Variants in MRO observed in about 807,000 individuals in gnomAD.
MRO encodes the protein maestro, also known as protein maestro.
In MRO, 28 loss-of-function variants were observed where a neutral mutation model predicts 31.0. The ratio of observed to expected loss-of-function variants is 0.90; its 90% CI spans 0.67 to 1.24. The LOEUF is 1.24. Ranked by LOEUF, MRO falls within the 50% of genes most tolerant of loss-of-function variation. The probability of loss-of-function intolerance (pLI) is 0.00; values close to 1 mark genes in which losing one functional copy is unlikely to be tolerated. For missense variants in MRO, 332 were observed against 289.2 expected (o/e 1.15, Z -1.07); for synonymous variants, 108 against 108.4 (o/e 1.00, Z 0.02).
At chr18:50,810,344 G>T (rs906143782) in intron 2 of MRO, among the ~76,000 whole-genome samples, 2 of 152,212 alleles carry the variant, frequency 1.3e-5, no homozygotes, top group Non-Finnish European at 2.9e-5. Context: ...AGATCAACAT[G>T]TGCTAAAATA....
At chr18:50,808,482 A>C (rs1171182808) in intron 3 of MRO, among the ~76,000 whole-genome samples, 1 of 148,774 alleles carries the variant, frequency 6.7e-6, no homozygotes, top group Non-Finnish European at 1.5e-5. Context: ...AATTTAAGAC[A>C]GCGTCTCGCT....
chr18:50,814,022 C>A (rs1346346527), intron 2 of MRO, among the ~76,000 whole-genome samples: 2 of 152,046 alleles, frequency 1.3e-5, no homozygotes, highest in African/African-American at 4.8e-5. Context: ...CACATAGAGT[C>A]AAAAAACATG....
chr18:50,800,678 A>G (rs1243347356), intron 6 of MRO, among the ~76,000 whole-genome samples: 1 of 152,180 alleles, frequency 6.6e-6, no homozygotes, highest in African/African-American at 2.4e-5. Context: ...TGAGGTCAGG[A>G]GTTCGAGACC....
chr18:50,799,192 G>T lies in MRO; in HGVS notation c.*145C>A. On this transcript the variant is annotated 3_prime_UTR_variant, in exon 8 of 8. Coordinates refer to ENST00000398439, the MANE Select transcript of MRO (RefSeq NM_031939.6). Reference sequence around the variant, plus strand: ...TCATACAATTCCATGTATTATTTTTGCCTTTGATTGCTCTCCCAGCACCCT... The same window carrying T: ...TCATACAATTCCATGTATTATTTTTTCCTTTGATTGCTCTCCCAGCACCCT... The T allele has an allele frequency of 1.5e-6, 1 of 655,832 alleles. No homozygotes were observed. Among genetic ancestry groups the T allele is most frequent in the Non-Finnish European group, 2.7e-6 (1 of 364,008 alleles). 40.6% of individuals were successfully genotyped at this position (655,832 alleles called of 1,614,324 possible).
chr18:50,796,822 G>T lies in MRO; in HGVS notation c.*2515C>A, dbSNP rs1325425431. The T allele has an allele frequency of 3.3e-5, 5 of 152,186 alleles. No individual in the cohort carries two copies. The highest frequency in any genetic ancestry group is 1.5e-5 in the Non-Finnish European group (1 of 68,040). The allele number at this position is 152,186 out of a possible 1,614,324, so 9.4% of individuals were successfully genotyped here. On this transcript the variant is annotated 3_prime_UTR_variant, in exon 8 of 8. Transcript: ENST00000398439. ...CAATTTGGAATCATTTAGTCATTCA[G>T]CAAATGTTCCTTAATCACATGGCCA...
Position 50,801,408 on chromosome 18 carries a change from T to C in MRO, c.526A>G (p.Lys176Glu). 6.2e-7 allele frequency: 1 copy of C among 1,611,572 alleles called. No individual in the cohort carries two copies. ...ATCAGGAGGGAATCTCGTGTCTGCT[T>C]AACCTGACTGGTGAAAAATTTTTTC... ...KWKKFFTSQVKQTRDSLLIHL... is the reference protein window; with the variant it reads ...KWKKFFTSQVEQTRDSLLIHL... The change falls in exon 6 of 8, where the codon AAG (lysine) becomes GAG (glutamate). Residue 176 changes from lysine to glutamate, a missense_variant. Transcript: ENST00000398439.
upstream of MRO, chr18:50,820,021 A>T: frequency 6.9e-7 from 1 of 1,453,742 alleles, no homozygotes; most frequent in Non-Finnish European, 9.4e-7. Context: ...AATTCTGGGG[A>T]CCTTTCCTCT....
intron 2 of MRO, 30 bp from the exon 3 acceptor site, chr18:50,809,434 C>A: frequency 7.0e-7 from 1 of 1,428,180 alleles, no homozygotes; most frequent in Non-Finnish European, 9.9e-7. Context: ...AAATCACATG[C>A]GCCACAGACA....
chr18:50,819,637 G>T lies in MRO; in HGVS notation c.-61C>A. ...GAACCGGAGCCCGTTCCTGACTCGG[G>T]AGGGCTGCTTTCCCGGGTAGTAGCC... On this transcript the variant is annotated 5_prime_UTR_variant, in exon 2 of 8. Transcript: ENST00000398439. 1 of 1,551,644 alleles carries T rather than the reference G, an allele frequency of 6.4e-7. No homozygotes were observed. Among genetic ancestry groups the T allele is most frequent in the Non-Finnish European group, 8.7e-7 (1 of 1,146,962 alleles).
rs1172286480 is a variant in MRO at position 50,808,748 on chromosome 18, C to A, written c.99+554G>T. Among the ~76,000 whole-genome samples the A allele has an allele frequency of 2.0e-5, 3 of 151,926 alleles. No individual in the cohort carries two copies. The East Asian group carries it at 5.9e-4, about 30-fold the overall frequency. On this transcript the variant is annotated intron_variant, in intron 3 of 7. Coordinates refer to ENST00000398439, the MANE Select transcript of MRO (RefSeq NM_031939.6). Reference sequence around the variant, plus strand: ...GGGATTACAGAGGTGAGCCACCACACCCGGCCTCATTCCATATTTGTATTA... The same window carrying A: ...GGGATTACAGAGGTGAGCCACCACAACCGGCCTCATTCCATATTTGTATTA...
intron 6 of MRO, among the ~76,000 whole-genome samples, 192 bp downstream of exon 6, chr18:50,801,157 T>G (rs777779355): frequency 2.0e-5 from 3 of 152,142 alleles, no homozygotes; most frequent in Non-Finnish European, 2.9e-5. Context: ...GTGGGGCAGA[T>G]GGAAACCAAC....
At chr18:50,810,559 CT>C (rs1420107446) in intron 2 of MRO, among the ~76,000 whole-genome samples, 4 of 152,168 alleles carry the variant, frequency 2.6e-5, no homozygotes, top group Non-Finnish European at 5.9e-5. Flanking sequence ...GGGAAACTTA[CT>C]TTTTTCACCT....
chr18:50,808,308 C>A (rs1914130906), intron 3 of MRO, among the ~76,000 whole-genome samples: 1 of 152,094 alleles, frequency 6.6e-6, no homozygotes, highest in African/African-American at 2.4e-5. Context: ...ACAAAAGCCA[C>A]CTCCCTACCA....
intron 3 of MRO, among the ~76,000 whole-genome samples, chr18:50,808,834 T>C (rs1445174543): frequency 1.3e-5 from 2 of 151,572 alleles, no homozygotes; most frequent in African/African-American, 4.8e-5. Context: ...GTAAACATCC[T>C]ATCCATGTTA....
chr18:50,807,283 A>G (rs963999452), intron 3 of MRO, among the ~76,000 whole-genome samples: 2 of 152,100 alleles, frequency 1.3e-5, no homozygotes, highest in African/African-American at 4.8e-5. Flanking sequence ...TTTGTAGCCA[A>G]ATGCCTTGAA....
At chr18:50,820,113 G>A (rs183950519), upstream of MRO, 66 of 722,682 alleles carry the variant, frequency 9.1e-5, 1 homozygote, top group Admixed American at 1.1e-3. Context: ...CGGGTTCCAG[G>A]CGACCCCTGC....
intron 2 of MRO, among the ~76,000 whole-genome samples, chr18:50,810,137 A>T (rs12955343): frequency 1.3e-5 from 2 of 150,992 alleles, no homozygotes; most frequent in South Asian, 2.1e-4. Flanking sequence ...ATTAATTTTT[A>T]TTTTTTTTTA....
At chr18:50,816,594 G>A (rs921065261) in intron 2 of MRO, among the ~76,000 whole-genome samples, 2 of 152,148 alleles carry the variant, frequency 1.3e-5, no homozygotes, top group Non-Finnish European at 2.9e-5. Flanking sequence ...CAGCTGACTT[G>A]CAGTTTAAGG....
Position 50,812,721 on chromosome 18 carries a change from A to G in MRO, c.-4-3317T>C, listed in dbSNP as rs534408540. Among the ~76,000 whole-genome samples, 227 of 152,330 alleles carry G rather than the reference A, an allele frequency of 1.5e-3. 1 individual carries two copies. Among genetic ancestry groups the G allele is most frequent in the Admixed American group, 2.4e-3 (37 of 15,296 alleles). ...ATGGTAGGGGTTCAACTGCATTAGAACCATTGACTTGTATGTGTTTTGTGT... is the reference window on the plus strand; with the variant it reads ...ATGGTAGGGGTTCAACTGCATTAGAGCCATTGACTTGTATGTGTTTTGTGT... On this transcript the variant is annotated intron_variant, in intron 2 of 7. Coordinates refer to ENST00000398439, the MANE Select transcript of MRO (RefSeq NM_031939.6).
Sources: gnomAD v4.1 joint callset for allele counts (sites outside exome capture counted in the v4.1 genomes callset) on GRCh38, gnomAD v4.1.1 for gene constraint, MANE v1.5 for transcripts, NCBI Gene and HGNC (gene_info 2026-07-23, HGNC 2026-07-21) for gene names.